The following CCNJL variants were observed in gnomAD, a reference collection of about 807,000 sequenced individuals.
The protein encoded by CCNJL is cyclin-J-like protein.
In CCNJL, 33 loss-of-function variants were observed where a neutral mutation model predicts 33.4. The observed-to-expected ratio is 0.99, with a 90% CI of 0.75 to 1.32. The LOEUF (loss-of-function observed/expected upper bound fraction) is 1.32. Among genes scored for constraint, CCNJL ranks in the 40% most tolerant of loss-of-function variants. CCNJL has a pLI of 0.00. For synonymous variants in CCNJL, 227 were observed against 220.9 expected, an observed-to-expected ratio of 1.03 and a Z score of -0.24; for missense variants, 512 against 499.7, an observed-to-expected ratio of 1.02 and a Z score of -0.23.
At chr5:160,299,211 G>T (rs1167994584) in intron 2 of CCNJL, among the ~76,000 whole-genome samples, 1 of 151,876 alleles carries the variant, frequency 6.6e-6, no homozygotes, top group Non-Finnish European at 1.5e-5. Flanking sequence ...GCACAATGGC[G>T]TGACCTCGGC....
intron 1 of CCNJL, among the ~76,000 whole-genome samples, chr5:160,321,882 T>A (rs1281587134): frequency 6.6e-6 from 1 of 152,170 alleles, no homozygotes; most frequent in East Asian, 1.9e-4. Context: ...ATTATTAAGA[T>A]CCTGAACAAC....
chr5:160,322,262 CTTCCCTCTT>C (rs1377859391), intron 1 of CCNJL, among the ~76,000 whole-genome samples: 1 of 152,194 alleles, frequency 6.6e-6, no homozygotes, highest in Non-Finnish European at 1.5e-5. Flanking sequence ...GTATTGCCCT[CTTCCCTCTT>C]TTCCCAACCC....
At chr5:160,266,591 A>G (rs1454623798) in intron 3 of CCNJL, among the ~76,000 whole-genome samples, 1 of 152,120 alleles carries the variant, frequency 6.6e-6, no homozygotes, top group African/African-American at 2.4e-5. Flanking sequence ...CTGGAAACCC[A>G]CACCTCATAG....
chr5:160,330,431 G>A (rs1039295829), intron 1 of CCNJL, among the ~76,000 whole-genome samples: 4 of 152,184 alleles, frequency 2.6e-5, no homozygotes, highest in Non-Finnish European at 4.4e-5. Context: ...TGGTGGCTGT[G>A]TTCACTTCCT....
intron 1 of CCNJL, among the ~76,000 whole-genome samples, chr5:160,328,292 A>G (rs1056381983): frequency 6.6e-6 from 1 of 152,204 alleles, no homozygotes; most frequent in East Asian, 1.9e-4. Flanking sequence ...TCAGTTTCAA[A>G]ATGTCACCCT....
intron 3 of CCNJL, among the ~76,000 whole-genome samples, chr5:160,273,044 C>A (rs1004417768): frequency 6.6e-6 from 1 of 152,140 alleles, no homozygotes; most frequent in Non-Finnish European, 1.5e-5. Flanking sequence ...AAAGAGGTTC[C>A]GTAACATACT....
chr5:160,301,643 G>A (rs951535116), intron 2 of CCNJL, among the ~76,000 whole-genome samples: 3 of 151,340 alleles, frequency 2.0e-5, no homozygotes, highest in Non-Finnish European at 4.4e-5. Flanking sequence ...CACCATGTTG[G>A]CCAGGATGGT....
At chr5:160,324,157 G>A (rs1042407811) in intron 1 of CCNJL, among the ~76,000 whole-genome samples, 2 of 152,218 alleles carry the variant, frequency 1.3e-5, no homozygotes, top group Non-Finnish European at 2.9e-5. Context: ...TTATACAAAG[G>A]GTATGAATAG....
Position 160,262,958 on chromosome 5 carries a change from T to A in CCNJL, c.281-3187A>T, listed in dbSNP as rs554589673. Among the ~76,000 whole-genome samples, 5 of 152,270 alleles carry A rather than the reference T, an allele frequency of 3.3e-5. No individual in the cohort carries two copies. The South Asian group carries it at 8.3e-4, about 25-fold the overall frequency. On this transcript the variant is annotated intron_variant, in intron 3 of 5. Transcript: ENST00000257536. ...AGATGCCTAGAAGACTTCAGGCGAG[T>A]CCCCTGGGAGAGGCTGGGAACAGAA...
At chr5:160,318,899 A>G (rs963294059) in intron 1 of CCNJL, among the ~76,000 whole-genome samples, 2 of 152,230 alleles carry the variant, frequency 1.3e-5, no homozygotes, top group Non-Finnish European at 2.9e-5. Flanking sequence ...ACTCTTGCTA[A>G]TACTTTACAT....
At chr5:160,306,099 C>T (rs1763087453) in intron 2 of CCNJL, among the ~76,000 whole-genome samples, 1 of 151,970 alleles carries the variant, frequency 6.6e-6, no homozygotes, top group South Asian at 2.1e-4. Context: ...CATGGTGAAA[C>T]CCCGCCTCTA....
At chr5:160,327,445 G>A (rs1763551736) in intron 1 of CCNJL, among the ~76,000 whole-genome samples, 1 of 152,206 alleles carries the variant, frequency 6.6e-6, no homozygotes, top group Non-Finnish European at 1.5e-5. Flanking sequence ...CAGCCACTTG[G>A]GCCACCACTG....
chr5:160,300,334 A>G (rs1762883354), intron 2 of CCNJL, among the ~76,000 whole-genome samples: 1 of 152,126 alleles, frequency 6.6e-6, no homozygotes, highest in South Asian at 2.1e-4. Flanking sequence ...CCAGCCCTTG[A>G]TGCAGGTCTC....
chr5:160,339,430 T>A (rs1265865052), intron 1 of CCNJL: 1 of 440,502 alleles, frequency 2.3e-6, no homozygotes, highest in Non-Finnish European at 4.6e-6. Context: ...TTTAAATACA[T>A]TAAGATTTAC....
At chr5:160,258,279 A>G in intron 4 of CCNJL, 1 of 725,588 alleles carries the variant, frequency 1.4e-6, no homozygotes, top group Non-Finnish European at 2.5e-6. Context: ...CTGTTGCAGC[A>G]TCAGGCAAGT....
intron 3 of CCNJL, among the ~76,000 whole-genome samples, chr5:160,279,076 G>A (rs1361409349): frequency 6.6e-6 from 1 of 152,194 alleles, no homozygotes; most frequent in East Asian, 1.9e-4. Context: ...CGTGGAAAAC[G>A]AGACAGAATT....
intron 2 of CCNJL, among the ~76,000 whole-genome samples, chr5:160,290,683 G>C (rs185118100): frequency 4.6e-5 from 7 of 152,148 alleles, no homozygotes; most frequent in African/African-American, 1.4e-4. Context: ...CTGCCTGCTA[G>C]ACTGTAACCA....
intron 2 of CCNJL, among the ~76,000 whole-genome samples, chr5:160,288,804 C>A (rs1762489884): frequency 6.8e-6 from 1 of 146,042 alleles, no homozygotes; most frequent in Non-Finnish European, 1.5e-5. Context: ...GCACTCCAGC[C>A]TGGGCGACAG....
intron 2 of CCNJL, among the ~76,000 whole-genome samples, chr5:160,282,986 T>TATATATATATATATATATATATACAC (rs1762278689): frequency 1.7e-5 from 1 of 57,904 alleles, no homozygotes; most frequent in Non-Finnish European, 3.2e-5. Flanking sequence ...TATATATATA[T>TATATATATATATATATATATATACAC]ATATATATAT....
Sources: allele counts gnomAD v4.1 joint callset (sites outside exome capture counted in the v4.1 genomes callset), GRCh38; gene constraint gnomAD v4.1.1; transcripts MANE v1.5; gene names NCBI Gene and HGNC (gene_info 2026-07-23, HGNC 2026-07-21).